The following TATDN1 variants were observed in gnomAD, a reference collection of about 807,000 sequenced individuals.
TATDN1 encodes the protein TatD DNase domain containing 1, also known as deoxyribonuclease TATDN1.
Under a neutral mutation model 46.4 loss-of-function variants are expected in TATDN1, and 40 were observed. The ratio of observed to expected loss-of-function variants is 0.86; its 90% confidence interval spans 0.67 to 1.12. TATDN1 has a LOEUF of 1.12. TATDN1 is among the 50% of genes most tolerant of loss of function. The probability of loss-of-function intolerance (pLI) is 0.00; values close to 1 mark genes in which losing one functional copy is unlikely to be tolerated. For missense variants in TATDN1, 326 were observed against 348.4 expected (o/e 0.94, Z 0.51); for synonymous variants, 95 against 105.6 (o/e 0.90, Z 0.62).
chr8:124,519,937 T>C (rs1819880362), intron 3 of TATDN1, among the ~76,000 whole-genome samples: 1 of 152,248 alleles, frequency 6.6e-6, no homozygotes, highest in Admixed American at 6.5e-5. Context: ...AGTATAATGA[T>C]GTATATTTTT....
At chr8:124,507,336 C>A (rs1238389371) in intron 8 of TATDN1, among the ~76,000 whole-genome samples, 1 of 151,958 alleles carries the variant, frequency 6.6e-6, no homozygotes, top group Non-Finnish European at 1.5e-5. Flanking sequence ...GTGAATACAG[C>A]GGACAAGAAA....
At chr8:124,494,473 TCA>T (rs1817286892) in intron 10 of TATDN1, 1 of 152,586 alleles carries the variant, frequency 6.6e-6, no homozygotes, top group Non-Finnish European at 1.5e-5. Context: ...CCAGAATGGC[TCA>T]GTCTTGACTT....
At chr8:124,532,367 T>C (rs1821042315) in intron 1 of TATDN1, among the ~76,000 whole-genome samples, 1 of 152,232 alleles carries the variant, frequency 6.6e-6, no homozygotes, top group Non-Finnish European at 1.5e-5. Flanking sequence ...CACTGCAGCC[T>C]CCACCTCCCA....
At chr8:124,521,773 C>G (rs1820068884) in intron 3 of TATDN1, 1 of 161,174 alleles carries the variant, frequency 6.2e-6, no homozygotes, top group Non-Finnish European at 1.3e-5. Flanking sequence ...TATGCCCAAA[C>G]TATAAATAGC....
At chr8:124,522,797 C>G (rs902902336) in intron 2 of TATDN1, 140 bp downstream of exon 2, 52 of 732,586 alleles carry the variant, frequency 7.1e-5, no homozygotes, top group Non-Finnish European at 1.2e-4. Flanking sequence ...TCAGGCAATC[C>G]TCCTGCCTCA....
intron 4 of TATDN1, among the ~76,000 whole-genome samples, chr8:124,518,443 G>C (rs1819716458): frequency 6.7e-6 from 1 of 150,114 alleles, no homozygotes; most frequent in Admixed American, 6.7e-5. Context: ...AGAATGGTGT[G>C]AACCTGGGAG....
At chr8:124,531,136 C>G (rs1156528997) in intron 1 of TATDN1, among the ~76,000 whole-genome samples, 8 of 152,090 alleles carry the variant, frequency 5.3e-5, no homozygotes. Flanking sequence ...TAAAAAGATT[C>G]TACAACTTGC....
intron 1 of TATDN1, among the ~76,000 whole-genome samples, chr8:124,525,677 C>T (rs138927751): frequency 4.7e-4 from 72 of 152,328 alleles, no homozygotes; most frequent in African/African-American, 1.7e-3. Flanking sequence ...ATTACAAACA[C>T]TGTAACATGC....
intron 10 of TATDN1, 104 bp downstream of exon 10, chr8:124,495,368 T>G (rs926075283): frequency 6.0e-6 from 5 of 832,772 alleles, no homozygotes; most frequent in Non-Finnish European, 7.7e-6. Context: ...CATGCTGTTT[T>G]AAAATACTTG....
At chr8:124,503,916 CAT>C (rs1434665733) in intron 9 of TATDN1, 1 of 1,296,228 alleles carries the variant, frequency 7.7e-7, no homozygotes, top group Admixed American at 2.3e-5. Context: ...ACCGTTCGTC[CAT>C]AGTCAGATAT....
intron 3 of TATDN1, chr8:124,521,786 C>T (rs778152365): frequency 6.1e-6 from 1 of 164,942 alleles, no homozygotes; most frequent in Non-Finnish European, 1.3e-5. Flanking sequence ...TAAATAGCTA[C>T]ACTTGGTGTC....
intron 3 of TATDN1, among the ~76,000 whole-genome samples, chr8:124,520,916 C>G (rs1042487288): frequency 7.6e-5 from 10 of 132,232 alleles, no homozygotes; most frequent in Non-Finnish European, 1.5e-4. Flanking sequence ...GCACTCCAGT[C>G]TGGGTGACAG....
At chr8:124,495,124 A>G (rs1319684807) in intron 10 of TATDN1, 1 of 293,276 alleles carries the variant, frequency 3.4e-6, no homozygotes, top group Non-Finnish European at 6.4e-6. Context: ...TTATAAAGAC[A>G]CTGTGTAAAC....
In TATDN1 at chr8:124,533,018, C is replaced by T. The variant is rs565239290; in HGVS notation, c.22+6007G>A. 3.3e-5 allele frequency among the ~76,000 whole-genome samples: 5 copies of T among 152,096 alleles called. No individual in the cohort carries two copies. The South Asian group carries it at 6.2e-4, about 19-fold the overall frequency. On this transcript the variant is annotated intron_variant, in intron 1 of 11. Transcript: ENST00000276692. The stretch of plus-strand genomic sequence containing the variant: ...CTGTAATCCCAGCACTTTAGGAGGC[C>T]GAGGTGGGCAGATGACGAGGTCAGG...
rs1170503512 is a variant in TATDN1 at position 124,529,222 on chromosome 8, A to G, written c.23-6220T>C. On this transcript the variant is annotated intron_variant, in intron 1 of 11. Coordinates refer to ENST00000276692, the MANE Select transcript of TATDN1 (RefSeq NM_032026.4). Reference sequence around the variant, plus strand: ...TGGGCCTGAGTGCACTCAATAAAAGATTCTCCTGTTTCAACCCGAGGTCTC... The same window carrying G: ...TGGGCCTGAGTGCACTCAATAAAAGGTTCTCCTGTTTCAACCCGAGGTCTC... Among the ~76,000 whole-genome samples, 3 of 152,240 alleles carry G rather than the reference A, an allele frequency of 2.0e-5. No individual in the cohort carries two copies. The East Asian group carries it at 5.8e-4, about 29-fold the overall frequency.
intron 11 of TATDN1, chr8:124,491,763 T>G (rs1356353784): frequency 6.6e-6 from 1 of 152,162 alleles, no homozygotes; most frequent in Non-Finnish European, 1.5e-5. Context: ...AAGACCTCTA[T>G]AAAAATAATT....
intron 3 of TATDN1, 114 bp downstream of exon 3, chr8:124,522,037 A>T: frequency 1.5e-6 from 1 of 654,056 alleles, no homozygotes; most frequent in Non-Finnish European, 2.7e-6. Flanking sequence ...CAAGTAGACA[A>T]TATGTACCCC....
intron 1 of TATDN1, among the ~76,000 whole-genome samples, chr8:124,527,130 G>A (rs1820569018): frequency 6.6e-6 from 1 of 152,214 alleles, no homozygotes; most frequent in Non-Finnish European, 1.5e-5. Flanking sequence ...GGGAACAGGA[G>A]TTTTACACTA....
intron 1 of TATDN1, chr8:124,538,402 TC>T (rs1821678013): frequency 6.5e-6 from 1 of 153,688 alleles, no homozygotes. Context: ...AAAACGAGGA[TC>T]ATGCCCATTT....
Sources: allele counts gnomAD v4.1 joint callset (sites outside exome capture counted in the v4.1 genomes callset), GRCh38; gene constraint gnomAD v4.1.1; transcripts MANE v1.5; gene names NCBI Gene and HGNC (gene_info 2026-07-23, HGNC 2026-07-21).